ALKBH3: variants seen among roughly 807,000 people sequenced by gnomAD.
ALKBH3 encodes alpha-ketoglutarate-dependent dioxygenase alkB homolog 3.
In ALKBH3, 51 loss-of-function variants were observed where a neutral mutation model predicts 43.9. That is an observed-to-expected ratio of 1.16 (90% CI 0.93 to 1.47). ALKBH3 has a LOEUF of 1.47. Among genes scored for constraint, ALKBH3 ranks in the 40% most tolerant of loss-of-function variants. The pLI, the probability that ALKBH3 is intolerant of heterozygous loss-of-function variation, is 0.00. For missense variants in ALKBH3, 361 were observed against 351.9 expected (o/e 1.03, Z -0.21); for synonymous variants, 102 against 115.2 (o/e 0.89, Z 0.73).
intron 1 of ALKBH3, 35 bp from the exon 2 acceptor site, chr11:43,882,548 C>A: frequency 9.7e-7 from 1 of 1,034,982 alleles, no homozygotes; most frequent in Non-Finnish European, 1.4e-6. Flanking sequence ...ACAATCCTAA[C>A]TAAAAGCACT....
At chr11:43,906,317 A>G (rs1951895683) in intron 8 of ALKBH3, among the ~76,000 whole-genome samples, 1 of 152,242 alleles carries the variant, frequency 6.6e-6, no homozygotes, top group African/African-American at 2.4e-5. Context: ...TAAAAAGGTC[A>G]GTCAAGTCAT....
At chr11:43,918,575 C>T (rs535614574) in intron 8 of ALKBH3, among the ~76,000 whole-genome samples, 2 of 152,256 alleles carry the variant, frequency 1.3e-5, no homozygotes, top group East Asian at 1.9e-4. Context: ...AGGAAGTCAT[C>T]GCATCAAATC....
At chr11:43,896,020 G>A (rs1565125017) in intron 7 of ALKBH3, among the ~76,000 whole-genome samples, 1 of 152,158 alleles carries the variant, frequency 6.6e-6, no homozygotes, top group African/African-American at 2.4e-5. Context: ...AGCTGAACTA[G>A]CTACTTTTGT....
intron 7 of ALKBH3, among the ~76,000 whole-genome samples, chr11:43,893,996 C>T (rs1225257149): frequency 1.3e-5 from 2 of 152,056 alleles, no homozygotes; most frequent in Non-Finnish European, 2.9e-5. Flanking sequence ...TGATTATCGG[C>T]CACACCCCGA....
At position 43,901,601 on chromosome 11, in the gene ALKBH3, G is replaced by A. The variant is rs372711510; in HGVS notation, c.545G>A (p.Arg182His). ...AACTCCTTACTCTGCAATCTTTATC[G>A]CAATGAGAAGGACAGCGTGGACTGG... ...TFNSLLCNLYRNEKDSVDWHS... is the reference protein window; with the variant it reads ...TFNSLLCNLYHNEKDSVDWHS... The change falls in exon 8 of 10, where the codon CGC (arginine) becomes CAC (histidine). Residue 182 changes from arginine (R) to histidine (H), a missense_variant. Transcript: ENST00000302708. 23 of 1,614,212 alleles carry A rather than the reference G, an allele frequency of 1.4e-5. No individual in the cohort carries two copies. The highest frequency in any genetic ancestry group is 1.3e-4 in the Admixed American group (8 of 60,030).
At chr11:43,898,634 A>G in intron 7 of ALKBH3, 1 of 732,556 alleles carries the variant, frequency 1.4e-6, no homozygotes, top group Admixed American at 1.8e-5. Context: ...GAAGGGGTGA[A>G]CATGCGCCAC....
chr11:43,898,318 A>C, intron 7 of ALKBH3: 1 of 720,144 alleles, frequency 1.4e-6, no homozygotes, highest in Non-Finnish European at 2.5e-6. Flanking sequence ...AGCCAGAGAG[A>C]TCATTTGTCA....
intron 8 of ALKBH3, among the ~76,000 whole-genome samples, chr11:43,915,123 G>A (rs182084691): frequency 5.9e-5 from 9 of 151,300 alleles, no homozygotes; most frequent in African/African-American, 2.2e-4. Flanking sequence ...CACAAGAATC[G>A]CTTGAACCCA....
intron 5 of ALKBH3, among the ~76,000 whole-genome samples, chr11:43,889,092 C>G (rs12421293): frequency 0.23 from 35,052 of 151,982 alleles, 4,644 homozygotes; most frequent in Admixed American, 0.39. Context: ...GCAATGGTGT[C>G]ATCTCAGCTC....
chr11:43,919,962 C>T lies in ALKBH3; in HGVS notation c.813C>T (p.Asn271=). ...ACCACTCTAGAGAACCGAGAGTGAA[C>T]CTGACCTTTCGGACAGTCTATCCAG... The part of the protein sequence containing the change: ...KEYHSREPRV[N]LTFRTVYPDP... Residue 271 remains asparagine (N), a synonymous_variant, in exon 10 of 10, where the codon AAC becomes AAT. Coordinates refer to ENST00000302708, the MANE Select transcript of ALKBH3 (RefSeq NM_139178.4). The T allele has an allele frequency of 6.2e-7, 1 of 1,614,146 alleles. No individual in the cohort carries two copies. Among genetic ancestry groups the T allele is most frequent in the Non-Finnish European group, 8.5e-7 (1 of 1,180,020 alleles).
chr11:43,899,103 A>G (rs1461485475), intron 7 of ALKBH3: 3 of 762,074 alleles, frequency 3.9e-6, no homozygotes, highest in African/African-American at 1.7e-5. Flanking sequence ...CAAAGGGGAC[A>G]TTGTCTTTAA....
At chr11:43,884,168 C>T (rs1349318767) in intron 4 of ALKBH3, 151 bp downstream of exon 4, 13 of 947,092 alleles carry the variant, frequency 1.4e-5, no homozygotes, top group Non-Finnish European at 2.1e-5. Context: ...TGTCTTTAAA[C>T]TTGATCTTTT....
chr11:43,917,703 G>C (rs932499236), intron 8 of ALKBH3, among the ~76,000 whole-genome samples: 39 of 152,234 alleles, frequency 2.6e-4, no homozygotes, highest in Admixed American at 1.4e-3. Context: ...GGGCTGCAGT[G>C]AGGGCAGGGT....
At chr11:43,896,768 A>G (rs936604965) in intron 7 of ALKBH3, among the ~76,000 whole-genome samples, 5 of 151,938 alleles carry the variant, frequency 3.3e-5, no homozygotes, top group African/African-American at 1.2e-4. Context: ...TTGGATGAGA[A>G]TTTTTTTTGT....
At chr11:43,894,504 C>G (rs892438886) in intron 7 of ALKBH3, among the ~76,000 whole-genome samples, 4 of 152,084 alleles carry the variant, frequency 2.6e-5, no homozygotes, top group Non-Finnish European at 5.9e-5. Flanking sequence ...TCATTATCCC[C>G]TTTTTTCTTC....
chr11:43,888,875 A>T (rs2460129), intron 5 of ALKBH3, among the ~76,000 whole-genome samples: 90,753 of 152,094 alleles, frequency 0.6, 27,676 homozygotes, highest in East Asian at 0.72. Context: ...CATTGTTGAA[A>T]TAAACACATA....
chr11:43,899,568 C>T (rs932747970), intron 7 of ALKBH3: 2 of 639,806 alleles, frequency 3.1e-6, no homozygotes, highest in South Asian at 1.6e-5. Context: ...GCTAGTGCCG[C>T]ACCACCTGCA....
chr11:43,894,212 A>T, intron 7 of ALKBH3, among the ~76,000 whole-genome samples: 1 of 152,170 alleles, frequency 6.6e-6, no homozygotes, highest in East Asian at 1.9e-4. Flanking sequence ...CAGAGCCTTG[A>T]CTGGCTGGGA....
In ALKBH3 at chr11:43,889,724, G is replaced by C; in HGVS notation, c.267-1G>C. 6.2e-7 allele frequency: 1 copy of C among 1,613,672 alleles called. No homozygotes were observed. The highest frequency in any genetic ancestry group is 8.5e-7 in the Non-Finnish European group (1 of 1,179,682). On this transcript the variant is annotated splice_acceptor_variant, in intron 5 of 9. Transcript: ENST00000302708. LOFTEE classifies it high-confidence loss of function. ...GTTAACAATGTTCATTCTGCACCCAGGGTCTGTTTGTATCCTGGCTTTGTT... is the reference window on the plus strand; with the variant it reads ...GTTAACAATGTTCATTCTGCACCCACGGTCTGTTTGTATCCTGGCTTTGTT...
Sources: gnomAD v4.1 joint callset for allele counts (sites outside exome capture counted in the v4.1 genomes callset) on GRCh38, gnomAD v4.1.1 for gene constraint, MANE v1.5 for transcripts, NCBI Gene and HGNC (gene_info 2026-07-23, HGNC 2026-07-21) for gene names.